GRIA1: variants seen among roughly 807,000 people sequenced by gnomAD.
GRIA1 encodes the protein glutamate ionotropic receptor AMPA type subunit 1.
Under a neutral mutation model 99.2 loss-of-function variants are expected in GRIA1, and 31 were observed. The ratio of observed to expected loss-of-function variants is 0.31; its 90% confidence interval spans 0.23 to 0.42. The LOEUF is 0.42. GRIA1 is among the 10% of genes least tolerant of loss of function. The pLI is 1.00. For synonymous variants in GRIA1, 438 were observed against 432.4 expected (o/e 1.01, Z -0.16); for missense variants, 782 against 1,157.5 (o/e 0.68, Z 4.71).
intron 5 of GRIA1, among the ~76,000 whole-genome samples, chr5:153,662,802 G>C (rs1254522863): frequency 6.6e-6 from 1 of 152,150 alleles, no homozygotes; most frequent in Non-Finnish European, 1.5e-5. Flanking sequence ...ATATGCCTCT[G>C]TGTTGAGGGT....
chr5:153,524,283 C>T (rs1181117932), intron 2 of GRIA1, among the ~76,000 whole-genome samples: 4 of 152,232 alleles, frequency 2.6e-5, no homozygotes, highest in South Asian at 4.2e-4. Context: ...GCCAAGGTCA[C>T]GCCACTGCAC....
intron 2 of GRIA1, among the ~76,000 whole-genome samples, chr5:153,641,536 T>C (rs1039219835): frequency 6.6e-6 from 1 of 152,160 alleles, no homozygotes; most frequent in Admixed American, 6.5e-5. Flanking sequence ...CCTCGTTTTT[T>C]ACTTACTCTG....
intron 2 of GRIA1, among the ~76,000 whole-genome samples, chr5:153,589,714 T>C (rs1763795558): frequency 6.6e-6 from 1 of 152,164 alleles, no homozygotes; most frequent in South Asian, 2.1e-4. Context: ...TACTCTCAGG[T>C]TGGCACTATA....
chr5:153,777,962 C>T (rs1462326730), intron 13 of GRIA1, among the ~76,000 whole-genome samples: 3 of 152,146 alleles, frequency 2.0e-5, no homozygotes, highest in African/African-American at 7.2e-5. Flanking sequence ...GTCATGGTAA[C>T]CCTATGAACT....
chr5:153,526,258 C>T (rs1757585193), intron 2 of GRIA1, among the ~76,000 whole-genome samples: 1 of 152,188 alleles, frequency 6.6e-6, no homozygotes, highest in Non-Finnish European at 1.5e-5. Context: ...AACTTCTACA[C>T]AATCCCAGTC....
At chr5:153,601,401 C>A (rs1764947776) in intron 2 of GRIA1, among the ~76,000 whole-genome samples, 1 of 152,176 alleles carries the variant, frequency 6.6e-6, no homozygotes, top group South Asian at 2.1e-4. Flanking sequence ...TTTTTAATAT[C>A]TTACAGCCCT....
intron 2 of GRIA1, among the ~76,000 whole-genome samples, chr5:153,627,438 C>T (rs115098581): frequency 4.8e-4 from 73 of 152,284 alleles, no homozygotes; most frequent in African/African-American, 1.6e-3. Flanking sequence ...GACACAGGCA[C>T]GTGAGCCCAA....
At chr5:153,561,168 G>T (rs12656103) in intron 2 of GRIA1, among the ~76,000 whole-genome samples, 5 of 152,090 alleles carry the variant, frequency 3.3e-5, no homozygotes, top group Non-Finnish European at 5.9e-5. Context: ...TGGCCCTGGA[G>T]CAGCTTTTCT....
At chr5:153,701,641 A>AAAAAAAAAAAAAC (rs1758535003) in intron 10 of GRIA1, among the ~76,000 whole-genome samples, 1 of 149,458 alleles carries the variant, frequency 6.7e-6, no homozygotes, top group African/African-American at 2.5e-5. Flanking sequence ...AAAAAAAAAA[A>AAAAAAAAAAAAAC]ATACTATGTT....
At chr5:153,577,334 C>A (rs1331267383) in intron 2 of GRIA1, among the ~76,000 whole-genome samples, 4 of 152,180 alleles carry the variant, frequency 2.6e-5, no homozygotes, top group Non-Finnish European at 5.9e-5. Flanking sequence ...GCCCTGCAAT[C>A]ATTTATCTCT....
At chr5:153,582,444 A>T (rs1271971638) in intron 2 of GRIA1, among the ~76,000 whole-genome samples, 1 of 152,168 alleles carries the variant, frequency 6.6e-6, no homozygotes, top group African/African-American at 2.4e-5. Context: ...GGTAGCACCC[A>T]TCAATTTTTC....
At chr5:153,668,176 C>A (rs998166701) in intron 5 of GRIA1, among the ~76,000 whole-genome samples, 2 of 152,046 alleles carry the variant, frequency 1.3e-5, no homozygotes, top group African/African-American at 4.8e-5. Context: ...AGAGAGGAGA[C>A]AGATTCTATT....
intron 2 of GRIA1, among the ~76,000 whole-genome samples, chr5:153,607,042 G>GATATATAT (rs59233877): frequency 0.027 from 3,507 of 127,672 alleles, 59 homozygotes; most frequent in African/African-American, 0.032. Context: ...TATCACAAAA[G>GATATATAT]ATATATATAT....
At chr5:153,504,669 G>A (rs1755325979) in intron 2 of GRIA1, among the ~76,000 whole-genome samples, 1 of 152,162 alleles carries the variant, frequency 6.6e-6, no homozygotes, top group Non-Finnish European at 1.5e-5. Flanking sequence ...CAAAGCTGTA[G>A]GGGTCTTTGG....
At chr5:153,713,986 A>C (rs1176390075) in intron 11 of GRIA1, among the ~76,000 whole-genome samples, 1 of 152,208 alleles carries the variant, frequency 6.6e-6, no homozygotes, top group Non-Finnish European at 1.5e-5. Flanking sequence ...GCAGGCAATA[A>C]ATAAAATAAA....
chr5:153,741,401 G>A (rs968280761), intron 11 of GRIA1, among the ~76,000 whole-genome samples: 2 of 152,132 alleles, frequency 1.3e-5, no homozygotes, highest in African/African-American at 4.8e-5. Context: ...CCCACTTCTA[G>A]GGGTACTTAT....
chr5:153,524,489 C>CA (rs1284824664), intron 2 of GRIA1, among the ~76,000 whole-genome samples: 18 of 152,190 alleles, frequency 1.2e-4, no homozygotes, highest in African/African-American at 4.3e-4. Flanking sequence ...GACAACTCAT[C>CA]TATAAGGATG....
chr5:153,500,183 T>A (rs1057402169), intron 2 of GRIA1, among the ~76,000 whole-genome samples: 1 of 152,218 alleles, frequency 6.6e-6, no homozygotes, highest in Non-Finnish European at 1.5e-5. Context: ...AAGATCCTGC[T>A]GGGATGAGTG....
intron 7 of GRIA1, among the ~76,000 whole-genome samples, chr5:153,680,933 A>G (rs1014120761): frequency 1.3e-5 from 2 of 152,226 alleles, no homozygotes; most frequent in African/African-American, 2.4e-5. Flanking sequence ...AAAAACTACT[A>G]TCAATTATTC....
Sources: gnomAD v4.1 joint callset for allele counts (sites outside exome capture counted in the v4.1 genomes callset) on GRCh38, gnomAD v4.1.1 for gene constraint, MANE v1.5 for transcripts, NCBI Gene and HGNC (gene_info 2026-07-23, HGNC 2026-07-21) for gene names.